The following CPED1 variants were observed in gnomAD, a reference collection of about 807,000 sequenced individuals.
The protein encoded by CPED1 is cadherin like and PC-esterase domain containing 1.
Under a neutral mutation model 128.2 loss-of-function variants are expected in CPED1, and 114 were observed. The observed-to-expected ratio is 0.89, with a 90% confidence interval of 0.76 to 1.04. The LOEUF is 1.04. CPED1 is among the 50% of genes least tolerant of loss of function. The pLI is 0.00. For synonymous variants in CPED1, 462 were observed against 426.7 expected (o/e 1.08, Z -1.02); for missense variants, 1,211 against 1,207.1 (o/e 1.00, Z -0.05).
chr7:121,099,052 T>G lies in CPED1; in HGVS notation c.750-874T>G, dbSNP rs1422094224. Among the ~76,000 whole-genome samples, 4 of 151,394 alleles carry G rather than the reference T, an allele frequency of 2.6e-5. No individual in the cohort carries two copies. The South Asian group carries it at 6.2e-4, about 24-fold the overall frequency. Reference sequence around the variant, plus strand: ...TTTAATTTTTTAATATTTCATCCCTTAAGTTAACTCTTCATTATCTGGGAG... The same window carrying G: ...TTTAATTTTTTAATATTTCATCCCTGAAGTTAACTCTTCATTATCTGGGAG... On this transcript the variant is annotated intron_variant, in intron 6 of 22. Transcript: ENST00000310396.
Position 121,128,446 on chromosome 7 carries a change from C to T in CPED1, c.1367C>T (p.Thr456Ile). ...TTAGAAGAAATTAACTCAATTATGA[C>T]TTTCATAAAGGAACTTGGAAGTCTG... ...LSLEEINSIM[T>I]FIKELGSLGQ... is the part of the protein sequence containing the mutation. Residue 456 changes from threonine to isoleucine, a missense_variant, in exon 11 of 23, where the codon ACT becomes ATT. Physicochemically the swap from Thr to Ile is moderately conservative, Grantham distance 89. Transcript: ENST00000310396. 1 of 1,602,976 alleles carries T rather than the reference C, an allele frequency of 6.2e-7. No homozygotes were observed. Among genetic ancestry groups the T allele is most frequent in the Non-Finnish European group, 8.5e-7 (1 of 1,170,168 alleles).
In CPED1 at chr7:121,271,409, G is replaced by A; in HGVS notation, c.2847G>A (p.Lys949=). 1 of 1,612,720 alleles carries A rather than the reference G, an allele frequency of 6.2e-7. No homozygotes were observed. Among genetic ancestry groups the A allele is most frequent in the Non-Finnish European group, 8.5e-7 (1 of 1,179,102 alleles). ...MGRYKEFLQG[K]CGCHFHEVVK... ...GTTACAAAGAGTTTCTACAGGGGAA[G>A]TGTGGATGTCATTTCCATGAGGTAT... The change falls in exon 22 of 23, where the codon AAG becomes AAA. Residue 949 remains lysine, a synonymous_variant. Transcript: ENST00000310396.
intron 18 of CPED1, among the ~76,000 whole-genome samples, chr7:121,256,132 A>AAAAAAAAAAAAAAAAAAAAC (rs1562852772): frequency 1.1e-4 from 16 of 147,964 alleles, no homozygotes; most frequent in African/African-American, 3.8e-4. Context: ...AACAAAACAA[A>AAAAAAAAAAAAAAAAAAAAC]AAAAAAAAAC....
chr7:121,204,810 A>AT (rs1797482086), intron 16 of CPED1, among the ~76,000 whole-genome samples: 1 of 152,152 alleles, frequency 6.6e-6, no homozygotes, highest in South Asian at 2.1e-4. Context: ...ACAGGCAGAA[A>AT]TAATAGAGGA....
intron 22 of CPED1, among the ~76,000 whole-genome samples, chr7:121,290,846 C>T (rs1792683792): frequency 6.6e-6 from 1 of 152,110 alleles, no homozygotes. Context: ...GGTGCCATTG[C>T]TTTTGGTGTT....
intron 7 of CPED1, among the ~76,000 whole-genome samples, chr7:121,107,108 G>C (rs1470861576): frequency 3.9e-5 from 6 of 152,084 alleles, no homozygotes; most frequent in African/African-American, 1.4e-4. Context: ...CTACCCTCAT[G>C]CAAGAAAGGA....
intron 16 of CPED1, among the ~76,000 whole-genome samples, chr7:121,223,931 T>C (rs970172170): frequency 2.0e-5 from 3 of 152,142 alleles, no homozygotes; most frequent in Non-Finnish European, 2.9e-5. Flanking sequence ...ATTGATTTTT[T>C]TTTTGAAGGA....
chr7:121,254,909 TA>T (rs58987925), intron 18 of CPED1, among the ~76,000 whole-genome samples: 96 of 147,226 alleles, frequency 6.5e-4, no homozygotes, highest in East Asian at 4.8e-3. Context: ...AATCAGTAAT[TA>T]AAAAAAAAAA....
intron 5 of CPED1, among the ~76,000 whole-genome samples, chr7:121,068,491 A>G (rs1472836676): frequency 6.6e-6 from 1 of 152,036 alleles, no homozygotes; most frequent in Non-Finnish European, 1.5e-5. Context: ...TTTTGGTACC[A>G]GTACCATGCT....
At chr7:121,023,579 G>A (rs1753118169) in intron 3 of CPED1, among the ~76,000 whole-genome samples, 1 of 152,138 alleles carries the variant, frequency 6.6e-6, no homozygotes. Flanking sequence ...TATCATTGCA[G>A]GGATTCATTT....
At chr7:121,050,809 C>G (rs115836586) in intron 4 of CPED1, 1 of 459,348 alleles carries the variant, frequency 2.2e-6, no homozygotes, top group Non-Finnish European at 4.4e-6. Flanking sequence ...GCAGCTCAGG[C>G]GGCGGGAGGA....
chr7:121,285,394 T>C (rs1008592737), intron 22 of CPED1, among the ~76,000 whole-genome samples: 2 of 152,234 alleles, frequency 1.3e-5, no homozygotes, highest in African/African-American at 4.8e-5. Flanking sequence ...ACTTGGCTCC[T>C]CATTACTGAT....
At chr7:121,011,180 A>G (rs187522438) in intron 2 of CPED1, among the ~76,000 whole-genome samples, 11 of 152,256 alleles carry the variant, frequency 7.2e-5, no homozygotes, top group African/African-American at 2.4e-4. Context: ...CTACTTTAAT[A>G]AATCCAGAAA....
chr7:121,244,398 C>T lies in CPED1; in HGVS notation c.2310+60C>T, dbSNP rs556573705. On this transcript the variant is annotated intron_variant, in intron 18 of 22. Transcript: ENST00000310396. ...GTATGCCACCTGAAGTACTAAAAAT[C>T]GTATAGTTGTATCTACTAGACCAAT... 1.8e-4 allele frequency: 281 copies of T among 1,582,352 alleles called. 5 individuals carry two copies. In the South Asian group the frequency reaches 2.9e-3, roughly 16 times the overall value.
chr7:121,176,021 T>C (rs1796767983), intron 16 of CPED1, among the ~76,000 whole-genome samples: 1 of 151,840 alleles, frequency 6.6e-6, no homozygotes, highest in African/African-American at 2.4e-5. Flanking sequence ...TAACGGACAG[T>C]CTAGAATGTA....
chr7:121,078,032 A>T (rs73221279), intron 5 of CPED1, among the ~76,000 whole-genome samples: 11,994 of 151,798 alleles, frequency 0.079, 734 homozygotes, highest in African/African-American at 0.17. Flanking sequence ...TCATACTACT[A>T]TATGATTTGT....
intron 5 of CPED1, among the ~76,000 whole-genome samples, chr7:121,081,488 ATT>A: frequency 6.6e-6 from 1 of 152,080 alleles, no homozygotes; most frequent in East Asian, 1.9e-4. Context: ...TTTTAAGACC[ATT>A]TTCTTTCCAC....
intron 22 of CPED1, among the ~76,000 whole-genome samples, chr7:121,274,555 T>G (rs1462050179): frequency 6.6e-6 from 1 of 152,154 alleles, no homozygotes; most frequent in African/African-American, 2.4e-5. Flanking sequence ...AAAATAAGCT[T>G]CTGGGAGCAT....
intron 3 of CPED1, among the ~76,000 whole-genome samples, chr7:121,041,582 G>A (rs932650355): frequency 2.0e-5 from 3 of 152,034 alleles, no homozygotes; most frequent in South Asian, 2.1e-4. Flanking sequence ...ATTAAATTAC[G>A]GATCTTGCAG....
Sources: gnomAD v4.1 joint callset for allele counts (sites outside exome capture counted in the v4.1 genomes callset) on GRCh38, gnomAD v4.1.1 for gene constraint, MANE v1.5 for transcripts, NCBI Gene and HGNC (gene_info 2026-07-23, HGNC 2026-07-21) for gene names.